COL25A1: variants seen among roughly 807,000 people sequenced by gnomAD.
COL25A1 encodes collagen alpha-1(XXV) chain.
A neutral mutation model predicts 128.4 loss-of-function variants in COL25A1; 103 were observed. That is an observed-to-expected ratio of 0.80 (90% confidence interval 0.68 to 0.94). COL25A1 has a LOEUF of 0.94. Ranked by LOEUF, COL25A1 falls within the 40% of genes least tolerant of loss-of-function variation. The pLI, the probability that COL25A1 is intolerant of heterozygous loss-of-function variation, is 0.00. For synonymous variants in COL25A1, 279 were observed against 277.2 expected (o/e 1.01, Z -0.06); for missense variants, 745 against 840.0 (o/e 0.89, Z 1.40).
chr4:108,938,067 G>A (rs972722341), intron 10 of COL25A1, among the ~76,000 whole-genome samples: 4 of 152,080 alleles, frequency 2.6e-5, no homozygotes, highest in African/African-American at 9.7e-5. Context: ...GTCTTCTTTA[G>A]GATGACATAA....
chr4:109,180,239 A>C (rs1225903053), intron 3 of COL25A1, among the ~76,000 whole-genome samples: 1 of 152,170 alleles, frequency 6.6e-6, no homozygotes, highest in Non-Finnish European at 1.5e-5. Context: ...GACCTTTGGC[A>C]ACACTGCCAA....
intron 3 of COL25A1, among the ~76,000 whole-genome samples, chr4:109,203,091 T>A (rs1475183122): frequency 6.6e-6 from 1 of 152,144 alleles, no homozygotes; most frequent in Admixed American, 6.6e-5. Context: ...AGGTCCCACC[T>A]TCATGACTAA....
At chr4:108,956,026 T>C (rs1012611786) in intron 8 of COL25A1, among the ~76,000 whole-genome samples, 4 of 152,078 alleles carry the variant, frequency 2.6e-5, no homozygotes, top group Admixed American at 1.3e-4. Context: ...TTGGGAACTG[T>C]GAAAAGTGCA....
Position 108,899,172 on chromosome 4 carries a change from AG to A in COL25A1, c.842del (p.Pro281LeufsTer59). On this transcript the variant is annotated frameshift_variant, in exon 15 of 38. Coordinates refer to ENST00000399132, the MANE Select transcript of COL25A1 (RefSeq NM_198721.4). LOFTEE classifies it high-confidence loss of function. ...QNGIPGPKGEPGEQGEKGDAG... is the reference protein window; with the variant it reads ...QNGIPGPKGEXGEQGEKGDAG... ...TTCTTACCTTTTCACCTTGTTCTCC[AG>A]GTTCTCCCTGAGCAAAAAGACAGAG... 1 of 1,609,580 alleles carries A rather than the reference AG, an allele frequency of 6.2e-7. No individual in the cohort carries two copies. Among genetic ancestry groups the A allele is most frequent in the Non-Finnish European group, 8.5e-7 (1 of 1,177,916 alleles).
intron 3 of COL25A1, among the ~76,000 whole-genome samples, chr4:109,211,208 T>G: frequency 8.6e-6 from 1 of 116,104 alleles, no homozygotes. Context: ...TATTTTTAAA[T>G]ACATATATAT....
chr4:109,300,034 G>A (rs1468769313), intron 3 of COL25A1, among the ~76,000 whole-genome samples: 1 of 152,134 alleles, frequency 6.6e-6, no homozygotes, highest in Non-Finnish European at 1.5e-5. Context: ...GTAATGGGAA[G>A]CTCAAGATAA....
At chr4:109,222,599 C>T (rs1778505251) in intron 3 of COL25A1, among the ~76,000 whole-genome samples, 1 of 151,840 alleles carries the variant, frequency 6.6e-6, no homozygotes. Context: ...TTATAAATTC[C>T]ATCATCTTTT....
At chr4:109,038,238 C>A (rs1759541956) in intron 5 of COL25A1, among the ~76,000 whole-genome samples, 1 of 152,128 alleles carries the variant, frequency 6.6e-6, no homozygotes, top group Non-Finnish European at 1.5e-5. Flanking sequence ...CATCAGTTCA[C>A]TAAGAAAAGC....
At chr4:109,257,491 A>G (rs898101868) in intron 3 of COL25A1, among the ~76,000 whole-genome samples, 1 of 152,246 alleles carries the variant, frequency 6.6e-6, no homozygotes, top group Non-Finnish European at 1.5e-5. Context: ...AGCAACTTGA[A>G]CTAAAAAGAA....
chr4:109,008,406 C>G (rs1756244960), intron 6 of COL25A1, among the ~76,000 whole-genome samples: 1 of 152,152 alleles, frequency 6.6e-6, no homozygotes, highest in Non-Finnish European at 1.5e-5. Flanking sequence ...GGTTTTGTTG[C>G]CTTCCCTGTG....
At position 108,846,245 on chromosome 4, in the gene COL25A1, T is replaced by A. The variant is rs538840987; in HGVS notation, c.1435-26A>T. The A allele has an allele frequency of 5.5e-6, 8 of 1,455,474 alleles. No individual in the cohort carries two copies. In the East Asian group the frequency reaches 1.8e-4, roughly 33 times the overall value. The allele number at this position is 1,455,474 out of a possible 1,614,324, so 90.2% of individuals were successfully genotyped here. ...CTAAAAATGATAGACAAGGTTGGCATGTAAGCAGCATAATGACCCCCGATA... is the reference window on the plus strand; with the variant it reads ...CTAAAAATGATAGACAAGGTTGGCAAGTAAGCAGCATAATGACCCCCGATA... On this transcript the variant is annotated intron_variant, in intron 27 of 37. Coordinates refer to ENST00000399132, the MANE Select transcript of COL25A1 (RefSeq NM_198721.4).
chr4:109,044,771 A>T (rs1760264782), intron 5 of COL25A1, among the ~76,000 whole-genome samples: 1 of 152,196 alleles, frequency 6.6e-6, no homozygotes, highest in Non-Finnish European at 1.5e-5. Flanking sequence ...GATTAAGATG[A>T]CAATATATGC....
chr4:108,869,640 C>T (rs1738457870), intron 19 of COL25A1, among the ~76,000 whole-genome samples: 1 of 152,170 alleles, frequency 6.6e-6, no homozygotes, highest in Admixed American at 6.5e-5. Flanking sequence ...TTGGAAAATA[C>T]ACTACATATT....
chr4:108,915,934 G>C (rs1265026154), intron 13 of COL25A1, among the ~76,000 whole-genome samples: 1 of 152,056 alleles, frequency 6.6e-6, no homozygotes, highest in Non-Finnish European at 1.5e-5. Context: ...GAAAAACAAA[G>C]TCTAGAGTTC....
At chr4:109,295,326 C>A (rs80338365) in intron 3 of COL25A1, among the ~76,000 whole-genome samples, 3,761 of 152,124 alleles carry the variant, frequency 0.025, 152 homozygotes, top group African/African-American at 0.084. Context: ...GTTAGATCCA[C>A]ACTGTTGTAC....
intron 3 of COL25A1, among the ~76,000 whole-genome samples, chr4:109,076,836 T>A: frequency 6.6e-6 from 1 of 151,988 alleles, no homozygotes; most frequent in East Asian, 1.9e-4. Flanking sequence ...CATGCACAGT[T>A]CACAATAGGA....
chr4:109,004,509 A>G (rs1315073040), intron 6 of COL25A1, among the ~76,000 whole-genome samples: 1 of 152,048 alleles, frequency 6.6e-6, no homozygotes, highest in African/African-American at 2.4e-5. Flanking sequence ...CCCCGCCCAA[A>G]TCTCTTGTTG....
intron 3 of COL25A1, among the ~76,000 whole-genome samples, chr4:109,208,197 T>A (rs1777162162): frequency 6.6e-6 from 1 of 152,218 alleles, no homozygotes; most frequent in Non-Finnish European, 1.5e-5. Flanking sequence ...CTACCATGCA[T>A]CAGTCTGGGC....
chr4:109,204,133 T>C (rs1346648341), intron 3 of COL25A1, among the ~76,000 whole-genome samples: 1 of 152,200 alleles, frequency 6.6e-6, no homozygotes, highest in East Asian at 1.9e-4. Flanking sequence ...TTGTTGCTTC[T>C]ATAAAACAGA....
Sources: allele counts gnomAD v4.1 joint callset (sites outside exome capture counted in the v4.1 genomes callset), GRCh38; gene constraint gnomAD v4.1.1; transcripts MANE v1.5; gene names NCBI Gene and HGNC (gene_info 2026-07-23, HGNC 2026-07-21).